The following PON1 variants were observed in gnomAD, a reference collection of about 807,000 sequenced individuals.
The protein encoded by PON1 is paraoxonase 1, also known as serum paraoxonase/arylesterase 1.
Under a neutral mutation model 39.2 loss-of-function variants are expected in PON1, and 37 were observed. The ratio of observed to expected loss-of-function variants is 0.94; its 90% CI spans 0.73 to 1.24. The LOEUF (loss-of-function observed/expected upper bound fraction) is 1.24. PON1 is among the 50% of genes most tolerant of loss of function. The pLI is 0.00. For missense variants in PON1, 397 were observed against 413.5 expected, an observed-to-expected ratio of 0.96 and a Z score of 0.35; for synonymous variants, 148 against 152.2, an observed-to-expected ratio of 0.97 and a Z score of 0.21.
At chr7:95,314,542 G>A (rs1288900319) in intron 4 of PON1, among the ~76,000 whole-genome samples, 1 of 152,116 alleles carries the variant, frequency 6.6e-6, no homozygotes, top group African/African-American at 2.4e-5. Flanking sequence ...ATGAGGGATC[G>A]TCTGATGATG....
Position 95,306,377 on chromosome 7 carries a change from G to A in PON1, c.699-11C>T. The stretch of plus-strand genomic sequence containing the variant: ...GCTATATAGACATACCTTCAAAGAA[G>A]AAAGAGCTACATCAAAGTACTAGAA... On this transcript the variant is annotated splice_polypyrimidine_tract_variant and intron_variant, in intron 6 of 8. Coordinates refer to ENST00000222381, the MANE Select transcript of PON1 (RefSeq NM_000446.7). The A allele has an allele frequency of 1.9e-6, 3 of 1,567,802 alleles. No homozygotes were observed. Among genetic ancestry groups the A allele is most frequent in the Non-Finnish European group, 8.8e-7 (1 of 1,138,664 alleles).
chr7:95,302,280 T>A lies in PON1; in HGVS notation c.834A>T (p.Gly278=). The change falls in exon 8 of 9, where the codon GGA becomes GGT. Residue 278 remains glycine (G), a synonymous_variant. Transcript: ENST00000222381. ...TGGGATGGCATCCAACCCAAAGGTC[T>A]CCTGTCTCAGGATCCACAGATATGT... The part of the protein sequence containing the change: ...VDNISVDPET[G]DLWVGCHPNG... 6.2e-7 allele frequency: 1 copy of A among 1,608,848 alleles called. No homozygotes were observed. Among genetic ancestry groups the A allele is most frequent in the Non-Finnish European group, 8.5e-7 (1 of 1,175,396 alleles).
chr7:95,312,508 C>A (rs3917517), intron 4 of PON1, among the ~76,000 whole-genome samples: 1 of 152,080 alleles, frequency 6.6e-6, no homozygotes, highest in Non-Finnish European at 1.5e-5. Context: ...TTTTAGTTGG[C>A]GTTAAATGCT....
At chr7:95,306,506 C>A (rs13306696) in intron 6 of PON1, 140 bp from the exon 7 acceptor site, 7 of 701,638 alleles carry the variant, frequency 1.0e-5, no homozygotes, top group African/African-American at 8.8e-5. Context: ...ACACCAAATT[C>A]TGAAAGAACT....
chr7:95,300,325 T>G (rs1807393573), intron 8 of PON1, among the ~76,000 whole-genome samples: 1 of 152,226 alleles, frequency 6.6e-6, no homozygotes, highest in African/African-American at 2.4e-5. Context: ...GACTAGATTA[T>G]CTCTAAATTC....
intron 1 of PON1, among the ~76,000 whole-genome samples, chr7:95,322,330 A>ATGTGTGTG (rs3046670): frequency 2.6e-4 from 33 of 124,894 alleles, no homozygotes; most frequent in African/African-American, 1.0e-3. Flanking sequence ...AAATATATGT[A>ATGTGTGTG]TGTGTGTGTG....
At chr7:95,303,352 ATGCT>A (rs3917562) in intron 7 of PON1, among the ~76,000 whole-genome samples, 32,099 of 150,578 alleles carry the variant, frequency 0.21, 4,053 homozygotes, top group East Asian at 0.55. Flanking sequence ...AGGCGGCTCC[ATGCT>A]TGCTTTCTCC....
At position 95,315,467 on chromosome 7, in the gene PON1, C is replaced by T; in HGVS notation, c.225G>A (p.Lys75=). The change falls in exon 4 of 9, where the codon AAG becomes AAA. Residue 75 remains lysine (K), a synonymous_variant. Transcript: ENST00000222381. ...ISSGLKYPGI[K]SFNPNSPGKI... is the part of the protein sequence containing the mutation. ...TTCCAGGACTGTTGGGGTTGAAGCT[C>T]TTTATTCCAGGATACTTTAATCCCT... 1.2e-6 allele frequency: 2 copies of T among 1,614,020 alleles called. No homozygotes were observed. The highest frequency in any genetic ancestry group is 1.7e-6 in the Non-Finnish European group (2 of 1,179,964).
At chr7:95,318,086 T>C (rs199804361) in intron 2 of PON1, among the ~76,000 whole-genome samples, 1 of 17,780 alleles carries the variant, frequency 5.6e-5, no homozygotes, top group Non-Finnish European at 1.4e-4. Context: ...TCTTTTTTTC[T>C]TTTTTTTTTT....
At chr7:95,310,070 T>C (rs1476145918) in intron 5 of PON1, among the ~76,000 whole-genome samples, 2 of 152,222 alleles carry the variant, frequency 1.3e-5, no homozygotes, top group African/African-American at 2.4e-5. Flanking sequence ...ATAATTTTTT[T>C]CACTATTTTG....
At chr7:95,308,289 C>G (rs182868805) in intron 5 of PON1, 78 bp from the exon 6 acceptor site, 1 of 1,327,174 alleles carries the variant, frequency 7.5e-7, no homozygotes, top group East Asian at 2.4e-5. Flanking sequence ...GCATTCCTCA[C>G]TGTCTATTCC....
intron 4 of PON1, among the ~76,000 whole-genome samples, chr7:95,314,598 C>G (rs894229672): frequency 1.3e-5 from 2 of 152,112 alleles, no homozygotes; most frequent in Non-Finnish European, 2.9e-5. Flanking sequence ...CCTAGCCTGA[C>G]ATTTTTATCA....
chr7:95,316,216 T>C (rs1807766082), intron 3 of PON1, among the ~76,000 whole-genome samples: 1 of 152,180 alleles, frequency 6.6e-6, no homozygotes, highest in Non-Finnish European at 1.5e-5. Context: ...CTATATCAGC[T>C]ACCATAGCGA....
intron 5 of PON1, 147 bp downstream of exon 5, chr7:95,311,304 T>C (rs1807647350): frequency 3.0e-5 from 29 of 959,414 alleles, no homozygotes; most frequent in Non-Finnish European, 4.5e-5. Flanking sequence ...CCTCAGAAGG[T>C]TCTTCAGAAG....
At chr7:95,323,495 A>G (rs1807945341) in intron 1 of PON1, among the ~76,000 whole-genome samples, 2 of 152,152 alleles carry the variant, frequency 1.3e-5, no homozygotes, top group Non-Finnish European at 2.9e-5. Flanking sequence ...CCATAAGCTC[A>G]TATAATTTTT....
intron 4 of PON1, among the ~76,000 whole-genome samples, chr7:95,314,295 G>A (rs1467325029): frequency 2.0e-5 from 3 of 152,114 alleles, no homozygotes; most frequent in Non-Finnish European, 4.4e-5. Context: ...GGGAGGTGAA[G>A]TTTTCAGTGA....
At chr7:95,306,162 AG>A in intron 7 of PON1, 122 bp downstream of exon 7, 1 of 803,462 alleles carries the variant, frequency 1.2e-6, no homozygotes, top group South Asian at 1.4e-5. Flanking sequence ...CTCTTAATAA[AG>A]GAGTGAAAAA....
intron 8 of PON1, among the ~76,000 whole-genome samples, chr7:95,301,653 C>T (rs527822246): frequency 6.6e-6 from 1 of 152,030 alleles, no homozygotes; most frequent in Non-Finnish European, 1.5e-5. Flanking sequence ...GTGTATAGTC[C>T]GTTGATTAAA....
intron 5 of PON1, 146 bp from the exon 6 acceptor site, chr7:95,308,357 T>C (rs1175202086): frequency 1.1e-5 from 8 of 759,030 alleles, no homozygotes; most frequent in Non-Finnish European, 2.2e-6. Flanking sequence ...ACAATTAATA[T>C]GAAATTAGTC....
Sources: allele counts gnomAD v4.1 joint callset (sites outside exome capture counted in the v4.1 genomes callset), GRCh38; gene constraint gnomAD v4.1.1; transcripts MANE v1.5; gene names NCBI Gene and HGNC (gene_info 2026-07-23, HGNC 2026-07-21).